Variants in NRXN1 observed in about 807,000 individuals in gnomAD.
The protein encoded by NRXN1 is neurexin-1.
In NRXN1, 39 loss-of-function variants were observed where a neutral mutation model predicts 150.9. The observed-to-expected ratio is 0.26, with a 90% CI of 0.20 to 0.34. NRXN1 has a LOEUF of 0.34. Ranked by LOEUF, NRXN1 falls within the 10% of genes least tolerant of loss-of-function variation. The probability of loss-of-function intolerance (pLI) is 1.00; values close to 1 mark genes in which losing one functional copy is unlikely to be tolerated. For missense variants in NRXN1, 1,815 were observed against 1,949.9 expected, an observed-to-expected ratio of 0.93 and a Z score of 1.30; for synonymous variants, 924 against 757.0, an observed-to-expected ratio of 1.22 and a Z score of -3.62.
chr2:50,595,282 G>C (rs1055301663), intron 8 of NRXN1, among the ~76,000 whole-genome samples: 1 of 152,008 alleles, frequency 6.6e-6, no homozygotes, highest in Non-Finnish European at 1.5e-5. Context: ...AAGAAAGAAA[G>C]AATTTGTTCT....
chr2:50,827,074 A>T (rs1054443442), intron 5 of NRXN1, among the ~76,000 whole-genome samples: 4 of 152,206 alleles, frequency 2.6e-5, no homozygotes, highest in Admixed American at 1.3e-4. Flanking sequence ...CAACTTTGTG[A>T]CTTGCTACCG....
chr2:50,647,442 T>C (rs1684983543), intron 5 of NRXN1, among the ~76,000 whole-genome samples: 1 of 151,982 alleles, frequency 6.6e-6, no homozygotes, highest in African/African-American at 2.4e-5. Context: ...AATGTTACTA[T>C]TTTATAAGAC....
intron 5 of NRXN1, among the ~76,000 whole-genome samples, chr2:50,753,995 T>C (rs1700907555): frequency 6.7e-6 from 1 of 148,664 alleles, no homozygotes; most frequent in Non-Finnish European, 1.5e-5. Context: ...ATGGCATTAA[T>C]GTACTAGTTT....
chr2:49,976,814 C>T (rs761345706), intron 21 of NRXN1, among the ~76,000 whole-genome samples: 1 of 152,110 alleles, frequency 6.6e-6, no homozygotes, highest in Non-Finnish European at 1.5e-5. Context: ...CTGATTCTTC[C>T]AGGAACGAAT....
chr2:50,754,497 A>G (rs1031209847), intron 5 of NRXN1, among the ~76,000 whole-genome samples: 1 of 151,822 alleles, frequency 6.6e-6, no homozygotes, highest in Non-Finnish European at 1.5e-5. Context: ...TTATCAGTAA[A>G]ATTTCCTTAG....
chr2:50,123,674 T>G (rs1177099387), intron 18 of NRXN1, among the ~76,000 whole-genome samples: 2 of 152,164 alleles, frequency 1.3e-5, no homozygotes, highest in Non-Finnish European at 2.9e-5. Flanking sequence ...GTGATTAAAC[T>G]TTATTGAATT....
chr2:50,775,187 C>A (rs1327358646), intron 5 of NRXN1, among the ~76,000 whole-genome samples: 1 of 152,198 alleles, frequency 6.6e-6, no homozygotes, highest in Non-Finnish European at 1.5e-5. Context: ...TCCATCCAGG[C>A]CTTCAAATAA....
At chr2:50,474,660 T>C (rs1305383984) in intron 15 of NRXN1, among the ~76,000 whole-genome samples, 3 of 126,418 alleles carry the variant, frequency 2.4e-5, no homozygotes, top group Non-Finnish European at 4.8e-5. Context: ...TATAGAACAA[T>C]TTCCAGACTG....
intron 5 of NRXN1, among the ~76,000 whole-genome samples, chr2:50,727,154 A>G (rs1340634224): frequency 6.6e-6 from 1 of 152,304 alleles, no homozygotes; most frequent in African/African-American, 2.4e-5. Flanking sequence ...CTTTTAAAAG[A>G]TATTGTTTGT....
At chr2:50,371,534 T>C (rs529230088) in intron 17 of NRXN1, among the ~76,000 whole-genome samples, 1 of 152,070 alleles carries the variant, frequency 6.6e-6, no homozygotes, top group Admixed American at 6.6e-5. Flanking sequence ...ATGTGGTCAG[T>C]TGAGTTAAGT....
chr2:50,117,290 G>C (rs140667875), intron 18 of NRXN1, among the ~76,000 whole-genome samples: 97 of 152,198 alleles, frequency 6.4e-4, no homozygotes, highest in African/African-American at 2.2e-3. Context: ...CCAGAGTGTT[G>C]TGCAAAATAA....
At chr2:50,444,877 C>T (rs938318324) in intron 17 of NRXN1, among the ~76,000 whole-genome samples, 2 of 151,922 alleles carry the variant, frequency 1.3e-5, no homozygotes, top group African/African-American at 4.8e-5. Context: ...TTGCATTATT[C>T]AGATTGTTTT....
chr2:50,355,682 T>C (rs779443045), intron 17 of NRXN1, among the ~76,000 whole-genome samples: 12 of 152,182 alleles, frequency 7.9e-5, no homozygotes, highest in South Asian at 4.1e-4. Flanking sequence ...TATTTCCCCA[T>C]TGGAAAAATT....
At chr2:50,534,977 A>C (rs2093217660) in intron 10 of NRXN1, among the ~76,000 whole-genome samples, 1 of 152,230 alleles carries the variant, frequency 6.6e-6, no homozygotes, top group Non-Finnish European at 1.5e-5. Context: ...GACTGAAATA[A>C]CATAGTAAAG....
intron 5 of NRXN1, among the ~76,000 whole-genome samples, chr2:50,727,045 C>T (rs1697449634): frequency 6.6e-6 from 1 of 151,706 alleles, no homozygotes; most frequent in Non-Finnish European, 1.5e-5. Flanking sequence ...TTTTGGAGCT[C>T]ATGGATTTGG....
intron 17 of NRXN1, among the ~76,000 whole-genome samples, chr2:50,305,770 A>G (rs1248453154): frequency 6.6e-6 from 1 of 152,260 alleles, no homozygotes; most frequent in African/African-American, 2.4e-5. Flanking sequence ...TGTAAGAAAC[A>G]CAAGACAGAG....
intron 21 of NRXN1, among the ~76,000 whole-genome samples, chr2:49,949,977 G>A (rs536448684): frequency 1.3e-5 from 2 of 151,590 alleles, no homozygotes; most frequent in African/African-American, 4.8e-5. Flanking sequence ...TTATCACTAG[G>A]TGAGGTTCCT....
At chr2:49,940,547 T>A (rs1365208990) in intron 22 of NRXN1, among the ~76,000 whole-genome samples, 3 of 152,126 alleles carry the variant, frequency 2.0e-5, no homozygotes, top group Non-Finnish European at 4.4e-5. Context: ...TGAAACATTA[T>A]TCAGACTTAA....
chr2:50,529,616 T>C (rs1367073044), intron 11 of NRXN1, among the ~76,000 whole-genome samples: 1 of 152,198 alleles, frequency 6.6e-6, no homozygotes, highest in Non-Finnish European at 1.5e-5. Flanking sequence ...ATAGCTGAGT[T>C]TGTCATGTGT....
Sources: gnomAD v4.1 joint callset for allele counts (sites outside exome capture counted in the v4.1 genomes callset) on GRCh38, gnomAD v4.1.1 for gene constraint, MANE v1.5 for transcripts, NCBI Gene and HGNC (gene_info 2026-07-23, HGNC 2026-07-21) for gene names.